Variants in GIGYF1 observed in about 807,000 individuals in gnomAD.
GIGYF1 encodes GRB10 interacting GYF protein 1, also known as GRB10-interacting GYF protein 1.
A neutral mutation model predicts 147.1 loss-of-function variants in GIGYF1; 84 were observed. That is an observed-to-expected ratio of 0.57 (90% confidence interval 0.48 to 0.68). GIGYF1 has a LOEUF of 0.68. Among genes scored for constraint, GIGYF1 ranks in the 30% least tolerant of loss-of-function variants. The pLI is 0.00. For missense variants in GIGYF1, 1,485 were observed against 1,393.7 expected (o/e 1.07, Z -1.04); for synonymous variants, 752 against 589.5 (o/e 1.28, Z -3.99).
rs1804765152 is a variant in GIGYF1 at position 100,681,555 on chromosome 7, C to CGT, written c.*162_*163dup. 2.1e-6 allele frequency: 1 copy of CGT among 476,736 alleles called. No individual in the cohort carries two copies. Among genetic ancestry groups the CGT allele is most frequent in the East Asian group, 3.3e-5 (1 of 30,336 alleles). The allele number at this position is 476,736 out of a possible 1,614,324, so 29.5% of individuals were successfully genotyped here. A position where few individuals can be genotyped will look rare whatever the true frequency, so the allele number is the denominator to read the frequency against. On this transcript the variant is annotated 3_prime_UTR_variant, in exon 27 of 27. Transcript: ENST00000678049. ...CCCTCCCCCAGTCTGTAAAGTGCCT[C>CGT]GTGGTGGGTGAGTTAAGGTGCATCG...
intron 22 of GIGYF1, 41 bp from the exon 23 acceptor site, chr7:100,682,818 C>A: frequency 1.3e-6 from 2 of 1,505,382 alleles, no homozygotes; most frequent in Non-Finnish European, 1.8e-6. Flanking sequence ...AACAAAGGCA[C>A]CCCAGAAAAG....
At position 100,687,787 on chromosome 7, in the gene GIGYF1, C is replaced by T; in HGVS notation, c.261+1G>A. On this transcript the variant is annotated splice_donor_variant, in intron 6 of 26. Transcript: ENST00000678049. LOFTEE classifies it high-confidence loss of function. ...AGCCTCAGCTCCTGGCCCGGTCCCA[C>T]CTGTTCCTCCTCAGTCAGCGGCTCC... 1 of 1,612,100 alleles carries T rather than the reference C, an allele frequency of 6.2e-7. No individual in the cohort carries two copies. Among genetic ancestry groups the T allele is most frequent in the Non-Finnish European group, 8.5e-7 (1 of 1,179,834 alleles).
At chr7:100,685,172 A>G (rs780302397) in intron 13 of GIGYF1, 26 bp from the exon 14 acceptor site, 2 of 1,554,798 alleles carry the variant, frequency 1.3e-6, no homozygotes, top group African/African-American at 1.4e-5. Flanking sequence ...TAGGAGGTGG[A>G]AAGAAGGGCG....
At chr7:100,693,524 C>T (rs1805985895) in intron 1 of GIGYF1, among the ~76,000 whole-genome samples, 1 of 152,154 alleles carries the variant, frequency 6.6e-6, no homozygotes, top group Admixed American at 6.5e-5. Flanking sequence ...AGGCGAGGTG[C>T]CTGGGTGGAG....
chr7:100,691,211 T>A (rs1278211994), intron 1 of GIGYF1, among the ~76,000 whole-genome samples: 1 of 152,186 alleles, frequency 6.6e-6, no homozygotes, highest in Non-Finnish European at 1.5e-5. Flanking sequence ...TGGCCAAGTC[T>A]AGAGACATTC....
At chr7:100,685,884 A>T in intron 12 of GIGYF1, 90 bp downstream of exon 12, 1 of 1,021,686 alleles carries the variant, frequency 9.8e-7, no homozygotes, top group Non-Finnish European at 1.5e-6. Flanking sequence ...CTGATTCTAC[A>T]GGTAGGTGGG....
In GIGYF1 at chr7:100,682,771, C is replaced by A. The variant is rs767194798; in HGVS notation, c.2419G>T (p.Gly807Trp). ...AQAPNHRVQL[G>W]GLGTAPLNQW... is the part of the protein sequence containing the mutation. ...TTCAGGGGGGCAGTGCCCAGGCCCC[C>A]AAGCTGCTACAGATGGCAGAAGATC... The change falls in exon 23 of 27, where the codon GGG becomes TGG. Residue 807 changes from glycine (G) to tryptophan (W), a missense_variant. Gly to Trp is a radical substitution (Grantham distance 184). Coordinates refer to ENST00000678049, the MANE Select transcript of GIGYF1 (RefSeq NM_001375765.1). 2 of 1,522,964 alleles carry A rather than the reference C, an allele frequency of 1.3e-6. No individual in the cohort carries two copies. Among genetic ancestry groups the A allele is most frequent in the Middle Eastern group, 1.8e-4 (1 of 5,662 alleles). 94.3% of individuals were successfully genotyped at this position (1,522,964 alleles called of 1,614,324 possible).
At chr7:100,689,978 G>A (rs992518343) in intron 1 of GIGYF1, among the ~76,000 whole-genome samples, 4 of 152,194 alleles carry the variant, frequency 2.6e-5, no homozygotes, top group African/African-American at 9.7e-5. Context: ...GGGGCTGAGG[G>A]GACAGGGAGC....
chr7:100,688,168 C>T (rs780375194), intron 4 of GIGYF1, 36 bp downstream of exon 4: 63 of 1,609,542 alleles, frequency 3.9e-5, no homozygotes, highest in Non-Finnish European at 5.1e-5. Flanking sequence ...TGTGCTTTCT[C>T]GAATCTCCAC....
chr7:100,681,608 C>A lies in GIGYF1; in HGVS notation c.*111G>T. Reference sequence around the variant, plus strand: ...TGTTTGTAACAAGTGCTGGGGACCCCGCCCCTGCCTCTTCCTGTGCTCTCT... The same window carrying A: ...TGTTTGTAACAAGTGCTGGGGACCCAGCCCCTGCCTCTTCCTGTGCTCTCT... On this transcript the variant is annotated 3_prime_UTR_variant, in exon 27 of 27. Coordinates refer to ENST00000678049, the MANE Select transcript of GIGYF1 (RefSeq NM_001375765.1). 9.9e-7 allele frequency: 1 copy of A among 1,008,474 alleles called. No individual in the cohort carries two copies. The highest frequency in any genetic ancestry group is 1.4e-6 in the Non-Finnish European group (1 of 716,162). 62.5% of individuals were successfully genotyped at this position (1,008,474 alleles called of 1,614,324 possible). A position where few individuals can be genotyped will look rare whatever the true frequency, so the allele number is the denominator to read the frequency against.
At position 100,683,574 on chromosome 7, in the gene GIGYF1, T is replaced by C. The variant is rs750030661; in HGVS notation, c.2028A>G (p.Leu676=). The change falls in exon 20 of 27, where the codon CTA becomes CTG. Residue 676 remains leucine (L), a synonymous_variant. Coordinates refer to ENST00000678049, the MANE Select transcript of GIGYF1 (RefSeq NM_001375765.1). ...CTTTATGTTGCAGCTGGAGTTGTTC[T>C]AGAATTGGACCCTGAGTCGAAGAGT... The part of the protein sequence containing the change: ...PINSSTQGPI[L]EQLQLQHKFQ... The C allele has an allele frequency of 1.9e-5, 31 of 1,614,098 alleles. No individual in the cohort carries two copies. In the Admixed American group the frequency reaches 5.0e-4, roughly 26 times the overall value.
In GIGYF1 at chr7:100,684,141, A is replaced by G; in HGVS notation, c.1747T>C (p.Cys583Arg). The G allele has an allele frequency of 1.2e-6, 2 of 1,608,894 alleles. No individual in the cohort carries two copies. The highest frequency in any genetic ancestry group is 2.2e-5 in the East Asian group (1 of 44,852). ...AGAGCTGCCTTTTCTCGGAGCGCGC[A>G]CTGTGGGAGCTGGCGGCTGCAAATG... ...QLVSSRQLPQCALREKAALGD... is the reference protein window; with the variant it reads ...QLVSSRQLPQRALREKAALGD... Residue 583 changes from cysteine (C) to arginine (R), a missense_variant, in exon 18 of 27, where the codon TGC becomes CGC. By Grantham distance (180) the Cys-to-Arg change is radical. Coordinates refer to ENST00000678049, the MANE Select transcript of GIGYF1 (RefSeq NM_001375765.1).
At chr7:100,686,878 A>AAG in intron 9 of GIGYF1, 59 bp from the exon 10 acceptor site, 1 of 1,487,064 alleles carries the variant, frequency 6.7e-7, no homozygotes, top group South Asian at 1.1e-5. Context: ...CTGGACCCTC[A>AAG]AGAAACGTTG....
At position 100,688,312 on chromosome 7, in the gene GIGYF1, G is replaced by A; in HGVS notation, c.-69-5C>T. ...TGGCGTTCACTGTCCAAACACCTGT[G>A]GGGGAACAGGGGCCATGAAGAACAG... On this transcript the variant is annotated splice_region_variant and splice_polypyrimidine_tract_variant and intron_variant, in intron 3 of 26. Transcript: ENST00000678049. The A allele has an allele frequency of 3.5e-6, 4 of 1,151,700 alleles. No individual in the cohort carries two copies. Among genetic ancestry groups the A allele is most frequent in the Non-Finnish European group, 3.9e-6 (3 of 776,584 alleles). 71.3% of individuals were successfully genotyped at this position (1,151,700 alleles called of 1,614,324 possible).
At chr7:100,692,103 C>T (rs575754896) in intron 1 of GIGYF1, among the ~76,000 whole-genome samples, 2 of 152,354 alleles carry the variant, frequency 1.3e-5, no homozygotes, top group Non-Finnish European at 2.9e-5. Context: ...CTGGAACAAC[C>T]GCCCAGCCCC....
chr7:100,687,188 G>T, intron 8 of GIGYF1, 110 bp downstream of exon 8: 1 of 1,451,938 alleles, frequency 6.9e-7, no homozygotes, highest in Non-Finnish European at 9.6e-7. Flanking sequence ...GGAGCACCGG[G>T]ATCTCGGACA....
In GIGYF1 at chr7:100,684,249, T is replaced by C; in HGVS notation, c.1718A>G (p.Gln573Arg). 6.2e-7 allele frequency: 1 copy of C among 1,608,250 alleles called. No homozygotes were observed. The highest frequency in any genetic ancestry group is 1.3e-5 in the African/African-American group (1 of 74,912). ...YQQLQHQQFL[Q>R]LVSSRQLPQC... Reference sequence around the variant, plus strand: ...AGGCCCCCCATACCTGCTGACCAGCTGGAGAAACTGCTGGTGCTGCAGCTG... The same window carrying C: ...AGGCCCCCCATACCTGCTGACCAGCCGGAGAAACTGCTGGTGCTGCAGCTG... The change falls in exon 17 of 27, where the codon CAG becomes CGG. Residue 573 changes from glutamine (Q) to arginine (R), a missense_variant. Coordinates refer to ENST00000678049, the MANE Select transcript of GIGYF1 (RefSeq NM_001375765.1).
chr7:100,685,826 C>A (rs562779227), intron 12 of GIGYF1, 148 bp downstream of exon 12: 2 of 655,558 alleles, frequency 3.1e-6, no homozygotes, highest in Middle Eastern at 4.1e-4. Flanking sequence ...TCTGCTACCC[C>A]CTGGTTCCTC....
At chr7:100,690,409 T>C (rs1319862928) in intron 1 of GIGYF1, among the ~76,000 whole-genome samples, 1 of 151,892 alleles carries the variant, frequency 6.6e-6, no homozygotes, top group African/African-American at 2.4e-5. Context: ...GTGGGAGGCT[T>C]GAAGAGAGGA....
Sources: gnomAD v4.1 joint callset for allele counts (sites outside exome capture counted in the v4.1 genomes callset) on GRCh38, gnomAD v4.1.1 for gene constraint, MANE v1.5 for transcripts, NCBI Gene and HGNC (gene_info 2026-07-23, HGNC 2026-07-21) for gene names.